Variants in BLTP2 observed in about 807,000 individuals in gnomAD.
The protein encoded by BLTP2 is bridge-like lipid transfer protein family member 2, also known as U937-associated antigen.
At chr17:28,637,468 T>C in the BLTP2 span, among the ~76,000 whole-genome samples, 1 of 152,320 alleles carries the variant, frequency 6.6e-6, no homozygotes, top group South Asian at 2.1e-4. Context: ...TCAAGGCTTT[T>C]TCTTATATGT....
the BLTP2 span, chr17:28,640,703 A>G: frequency 1.2e-6 from 2 of 1,612,906 alleles, no homozygotes; most frequent in African/African-American, 2.7e-5. Context: ...TGAATGAATA[A>G]CGTAAGAACC....
the BLTP2 span, chr17:28,639,363 A>G: frequency 1.8e-5 from 29 of 1,614,142 alleles, no homozygotes; most frequent in South Asian, 3.2e-4. Flanking sequence ...TTGGGTTTCC[A>G]GTGCTAGCAG....
At chr17:28,644,510 A>G in the BLTP2 span, among the ~76,000 whole-genome samples, 10 of 152,328 alleles carry the variant, frequency 6.6e-5, no homozygotes, top group East Asian at 1.9e-3. Context: ...CGGCTCTGTC[A>G]CATGTGCCAT....
At chr17:28,635,339 T>C in the BLTP2 span, 6 of 1,614,070 alleles carry the variant, frequency 3.7e-6, no homozygotes, top group African/African-American at 5.3e-5. Flanking sequence ...GCCAGGGTAA[T>C]GAACTTGTCC....
At chr17:28,619,469 A>T in the BLTP2 span, among the ~76,000 whole-genome samples, 3 of 141,548 alleles carry the variant, frequency 2.1e-5, no homozygotes, top group Non-Finnish European at 4.7e-5. Flanking sequence ...CTTTGTCTCT[A>T]AAAAAAAAAA....
chr17:28,640,113 G>C, the BLTP2 span: 3 of 1,481,182 alleles, frequency 2.0e-6, no homozygotes, highest in Non-Finnish European at 1.8e-6. Context: ...ATTATTTTTT[G>C]GCCAGGCGCA....
At chr17:28,632,748 T>C in the BLTP2 span, among the ~76,000 whole-genome samples, 1 of 152,080 alleles carries the variant, frequency 6.6e-6, no homozygotes. Flanking sequence ...GTGGTATTAC[T>C]GTTATAGCAG....
chr17:28,632,602 G>A, the BLTP2 span, among the ~76,000 whole-genome samples: 2 of 151,942 alleles, frequency 1.3e-5, no homozygotes, highest in African/African-American at 4.8e-5. Context: ...ACCATATTAG[G>A]ACACAGCAAA....
chr17:28,644,061 T>G, the BLTP2 span: 12 of 1,614,080 alleles, frequency 7.4e-6, no homozygotes, highest in Admixed American at 1.7e-5. Context: ...AACTCACCAC[T>G]GTTTGCTGGT....
the BLTP2 span, chr17:28,618,924 C>G: frequency 6.2e-7 from 1 of 1,614,106 alleles, no homozygotes. Flanking sequence ...TTGCTGCTTT[C>G]GCAGCTCCAT....
chr17:28,631,805 A>T, the BLTP2 span: 22 of 1,602,518 alleles, frequency 1.4e-5, no homozygotes, highest in Non-Finnish European at 1.9e-5. Context: ...AAATGAAAGG[A>T]GTCTTTCATT....
the BLTP2 span, among the ~76,000 whole-genome samples, chr17:28,629,677 C>G: frequency 6.6e-6 from 1 of 152,196 alleles, no homozygotes; most frequent in Admixed American, 6.5e-5. Context: ...TGGGGTTTCA[C>G]CATATTGGCC....
the BLTP2 span, chr17:28,634,000 G>A: frequency 1.2e-6 from 2 of 1,614,152 alleles, no homozygotes. Context: ...GAGCAAGGCT[G>A]ACCACTCTGC....
the BLTP2 span, chr17:28,635,925 G>C: frequency 9.0e-6 from 2 of 223,152 alleles, no homozygotes; most frequent in East Asian, 1.0e-4. Context: ...ATAGACAGCA[G>C]GTACTCAATA....
chr17:28,633,784 CACA>C, the BLTP2 span: 1 of 1,604,872 alleles, frequency 6.2e-7, no homozygotes, highest in Non-Finnish European at 8.5e-7. Flanking sequence ...ATAACTTGTT[CACA>C]ACATTACCCC....
At chr17:28,638,435 A>AG in the BLTP2 span, 1 of 1,611,226 alleles carries the variant, frequency 6.2e-7, no homozygotes, top group Non-Finnish European at 8.5e-7. Context: ...GGTGAGAAAG[A>AG]GGGATTGCAT....
the BLTP2 span, chr17:28,632,854 C>T: frequency 7.8e-6 from 8 of 1,024,920 alleles, no homozygotes; most frequent in Non-Finnish European, 1.1e-5. Flanking sequence ...CCTCCCCTCC[C>T]CTCCCCAGAG....
chr17:28,644,115 G>T, the BLTP2 span: 1 of 1,614,222 alleles, frequency 6.2e-7, no homozygotes, highest in Non-Finnish European at 8.5e-7. Context: ...AAAAAAAGCG[G>T]AAGGAGCCAA....
chr17:28,640,965 C>T, the BLTP2 span, among the ~76,000 whole-genome samples: 13 of 152,378 alleles, frequency 8.5e-5, no homozygotes, highest in African/African-American at 2.9e-4. Flanking sequence ...TACTGACTGC[C>T]TGTATGACTT....
Sources: gnomAD v4.1 joint callset for allele counts (sites outside exome capture counted in the v4.1 genomes callset) on GRCh38, gnomAD v4.1.1 for gene constraint, MANE v1.5 for transcripts, NCBI Gene and HGNC (gene_info 2026-07-23, HGNC 2026-07-21) for gene names.